Variants in WRN observed in about 807,000 individuals in gnomAD.
WRN encodes WRN RecQ like helicase.
WRN carries 149 observed loss-of-function variants against 180.7 expected under a neutral mutation model. The observed-to-expected ratio is 0.82, with a 90% CI of 0.72 to 0.94. WRN has a LOEUF of 0.94. WRN is among the 40% of genes least tolerant of loss of function. The pLI, the probability that WRN is intolerant of heterozygous loss-of-function variation, is 0.00. For synonymous variants in WRN, 548 were observed against 568.9 expected (o/e 0.96, Z 0.52); for missense variants, 1,661 against 1,700.1 (o/e 0.98, Z 0.40).
At chr8:31,058,868 A>G (rs945473974) in intron 2 of WRN, among the ~76,000 whole-genome samples, 1 of 152,228 alleles carries the variant, frequency 6.6e-6, no homozygotes, top group Non-Finnish European at 1.5e-5. Context: ...CATTATTATT[A>G]CAGTTGTAAT....
chr8:31,124,673 C>G lies in WRN; in HGVS notation c.2732+50C>G, dbSNP rs748944542. On this transcript the variant is annotated intron_variant, in intron 22 of 34. Coordinates refer to ENST00000298139, the MANE Select transcript of WRN (RefSeq NM_000553.6). ...ATAGTATGGATTTATGGATGATGCT[C>G]TTTTAAGACAACAATTTGGCTAAAT... 1.3e-5 allele frequency: 20 copies of G among 1,496,512 alleles called. No homozygotes were observed. In the Admixed American group the frequency reaches 1.5e-4, roughly 11 times the overall value. The allele number at this position is 1,496,512 out of a possible 1,614,324, so 92.7% of individuals were successfully genotyped here. A position where few individuals can be genotyped will look rare whatever the true frequency, so the allele number is the denominator to read the frequency against.
intron 18 of WRN, among the ~76,000 whole-genome samples, chr8:31,105,070 A>G (rs1009541540): frequency 6.8e-6 from 1 of 146,658 alleles, no homozygotes; most frequent in Non-Finnish European, 1.5e-5. Context: ...TTGTTAGCTT[A>G]TCTCACAGAG....
chr8:31,162,092 A>G (rs1335006402), intron 33 of WRN, among the ~76,000 whole-genome samples: 1 of 152,182 alleles, frequency 6.6e-6, no homozygotes, highest in African/African-American at 2.4e-5. Flanking sequence ...AAAAGTTAAA[A>G]AATTTATCTT....
At chr8:31,081,423 G>C in intron 9 of WRN, 127 bp downstream of exon 9, 1 of 988,944 alleles carries the variant, frequency 1.0e-6, no homozygotes, top group Non-Finnish European at 1.5e-6. Flanking sequence ...CAGTAACTCA[G>C]TTCTGTTATT....
At chr8:31,073,413 T>C (rs1331396905) in intron 7 of WRN, among the ~76,000 whole-genome samples, 1 of 152,204 alleles carries the variant, frequency 6.6e-6, no homozygotes, top group African/African-American at 2.4e-5. Flanking sequence ...ATCTGATCAA[T>C]GGAAAGGTCA....
intron 31 of WRN, among the ~76,000 whole-genome samples, chr8:31,154,207 A>AT (rs999854734): frequency 9.2e-5 from 14 of 152,096 alleles, no homozygotes; most frequent in African/African-American, 3.1e-4. Context: ...GTGTTATGAT[A>AT]TATTTCCTTA....
At chr8:31,044,546 G>A (rs1422993704) in intron 1 of WRN, among the ~76,000 whole-genome samples, 1 of 151,816 alleles carries the variant, frequency 6.6e-6, no homozygotes, top group Non-Finnish European at 1.5e-5. Context: ...TATTAGAGAT[G>A]GGGTTTTACC....
At chr8:31,163,244 A>T (rs1219613448) in intron 33 of WRN, among the ~76,000 whole-genome samples, 1 of 152,266 alleles carries the variant, frequency 6.6e-6, no homozygotes, top group Non-Finnish European at 1.5e-5. Flanking sequence ...TATATTATTC[A>T]GCCACATATT....
chr8:31,173,278 G>A lies in WRN; in HGVS notation c.*176G>A. 1 of 651,236 alleles carries A rather than the reference G, an allele frequency of 1.5e-6. No individual in the cohort carries two copies. The allele number at this position is 651,236 out of a possible 1,614,324, so 40.3% of individuals were successfully genotyped here. A position where few individuals can be genotyped will look rare whatever the true frequency, so the allele number is the denominator to read the frequency against. On this transcript the variant is annotated 3_prime_UTR_variant, in exon 35 of 35. Transcript: ENST00000298139. Reference sequence around the variant, plus strand: ...GCCTTCCGCAATTCATGTAGTTTCTGGGTCTTCTGGGAGCCTACGTGAGTA... The same window carrying A: ...GCCTTCCGCAATTCATGTAGTTTCTAGGTCTTCTGGGAGCCTACGTGAGTA...
chr8:31,053,152 G>A (rs1406125413), intron 1 of WRN, among the ~76,000 whole-genome samples: 1 of 152,210 alleles, frequency 6.6e-6, no homozygotes, highest in African/African-American at 2.4e-5. Context: ...GACACTATTT[G>A]CTTGGCAAAG....
chr8:31,141,487 G>C lies in WRN; in HGVS notation c.3025G>C (p.Asp1009His). The change falls in exon 25 of 35, where the codon GAT becomes CAT. Residue 1009 changes from aspartate to histidine, a missense_variant. Around this residue, in one of 3 missense-constraint regions of WRN, gnomAD observed 1,141 missense variants for 1,149.4 expected, o/e 0.99. Transcript: ENST00000298139. ...GCACAGTTTATTTGGCACTGGCAAG[G>C]ATCAAACAGAGAGTTGGTGGAAGGC... ...RRHSLFGTGKDQTESWWKAFS... is the reference protein window; with the variant it reads ...RRHSLFGTGKHQTESWWKAFS... 6.2e-7 allele frequency: 1 copy of C among 1,614,136 alleles called. No individual in the cohort carries two copies. Among genetic ancestry groups the C allele is most frequent in the Non-Finnish European group, 8.5e-7 (1 of 1,180,034 alleles).
chr8:31,172,969 T>C (rs1177770502), intron 34 of WRN, 26 bp from the exon 35 acceptor site: 2 of 1,608,728 alleles, frequency 1.2e-6, no homozygotes, highest in African/African-American at 1.3e-5. Context: ...AAAGATTTGA[T>C]TTCTTTTTCT....
intron 29 of WRN, 71 bp downstream of exon 29, chr8:31,147,199 G>C (rs1440074003): frequency 1.3e-6 from 2 of 1,545,754 alleles, no homozygotes; most frequent in Admixed American, 1.7e-5. Context: ...TTAAAATTCT[G>C]TATTTTGCCA....
At chr8:31,073,705 G>A (rs1209189031) in intron 7 of WRN, among the ~76,000 whole-genome samples, 2 of 152,116 alleles carry the variant, frequency 1.3e-5, no homozygotes, top group African/African-American at 4.8e-5. Context: ...TTTAGAGGTT[G>A]GGAAGATGAG....
chr8:31,061,883 G>A (rs555907684), intron 3 of WRN, among the ~76,000 whole-genome samples: 11 of 152,212 alleles, frequency 7.2e-5, no homozygotes, highest in African/African-American at 2.4e-4. Context: ...TTTAGTCTAT[G>A]CATGCTTGTC....
At chr8:31,077,909 A>G (rs1813158161) in intron 8 of WRN, among the ~76,000 whole-genome samples, 1 of 152,186 alleles carries the variant, frequency 6.6e-6, no homozygotes, top group African/African-American at 2.4e-5. Flanking sequence ...TTTTCCAGAA[A>G]GTTCTTTGGC....
chr8:31,150,237 G>A, intron 30 of WRN, 104 bp from the exon 31 acceptor site: 1 of 904,120 alleles, frequency 1.1e-6, no homozygotes, highest in Middle Eastern at 2.1e-4. Context: ...TACATTTATT[G>A]AGAGAATCAT....
chr8:31,150,854 C>A (rs150674091), intron 31 of WRN, among the ~76,000 whole-genome samples: 14 of 152,270 alleles, frequency 9.2e-5, no homozygotes, highest in African/African-American at 3.1e-4. Context: ...CTCTAATCTC[C>A]CTCCCCTTCC....
At position 31,090,479 on chromosome 8, in the gene WRN, T is replaced by C. The variant is rs1408471592; in HGVS notation, c.1667T>C (p.Val556Ala). 1.2e-6 allele frequency: 2 copies of C among 1,612,168 alleles called. No individual in the cohort carries two copies. The highest frequency in any genetic ancestry group is 3.3e-5 in the Admixed American group (2 of 59,960). ...TCACCTTCAAGAGTTCAGTGGAAAG[T>C]GATTCATTCAGTATTAGAAGAAAGA... is the stretch of plus-strand genomic sequence containing the variant. ...HSSFKPVQWK[V>A]IHSVLEERRD... The change falls in exon 14 of 35, where the codon GTG becomes GCG. Residue 556 changes from valine (V) to alanine (A), a missense_variant. Around this residue, in one of 3 missense-constraint regions of WRN, gnomAD observed 1,141 missense variants for 1,149.4 expected, o/e 0.99. Transcript: ENST00000298139.
Sources: gnomAD v4.1 joint callset for allele counts (sites outside exome capture counted in the v4.1 genomes callset) on GRCh38, gnomAD v4.1.1 for gene constraint, gnomAD v4.1.1 regional missense constraint, MANE v1.5 for transcripts, NCBI Gene and HGNC (gene_info 2026-07-23, HGNC 2026-07-21) for gene names.